Variants in HTT observed in about 807,000 individuals in gnomAD.
The protein encoded by HTT is huntingtin.
In HTT, 104 loss-of-function variants were observed where a neutral mutation model predicts 362.3. The observed-to-expected ratio is 0.29, with a 90% CI of 0.24 to 0.34. The LOEUF (loss-of-function observed/expected upper bound fraction) is 0.34, where lower values mean the gene tolerates loss of function less well. Ranked by LOEUF, HTT falls within the 10% of genes least tolerant of loss-of-function variation. The pLI is 1.00. For missense variants in HTT, 3,301 were observed against 3,928.6 expected (o/e 0.84, Z 4.27); for synonymous variants, 1,577 against 1,548.7 (o/e 1.02, Z -0.43).
At position 3,208,852 on chromosome 4, in the gene HTT, T is replaced by C; in HGVS notation, c.6232T>C (p.Ser2078Pro). The change falls in exon 46 of 67, where the codon TCT becomes CCT. Residue 2078 changes from serine (S) to proline (P), a missense_variant. Transcript: ENST00000355072. ...QDSLSPSPPV[S>P]SHPLDGDGHV... is the part of the protein sequence containing the mutation. ...CTCACTTAGTCCCTCTCCTCCAGTCTCTTCCCACCCGCTGGACGGGGATGG... is the reference window on the plus strand; with the variant it reads ...CTCACTTAGTCCCTCTCCTCCAGTCCCTTCCCACCCGCTGGACGGGGATGG... 6 of 1,614,150 alleles carry C rather than the reference T, an allele frequency of 3.7e-6. No individual in the cohort carries two copies. Among genetic ancestry groups the C allele is most frequent in the Non-Finnish European group, 5.1e-6 (6 of 1,180,010 alleles).
At chr4:3,082,733 T>G (rs1416811607) in intron 1 of HTT, among the ~76,000 whole-genome samples, 2 of 152,202 alleles carry the variant, frequency 1.3e-5, no homozygotes, top group East Asian at 3.8e-4. Flanking sequence ...AGACCTGTGT[T>G]GCTCATATGT....
At chr4:3,127,893 G>A (rs1010172050) in intron 12 of HTT, among the ~76,000 whole-genome samples, 4 of 151,856 alleles carry the variant, frequency 2.6e-5, no homozygotes, top group Non-Finnish European at 4.4e-5. Context: ...GAGCCTGGGA[G>A]GCAGAGGTTG....
rs150583882 is a variant in HTT, at chr4:3,127,619, G to A, written c.1743+15G>A. ...GTTCTGAAATTGTAAGTGGGCAGAG[G>A]GGCCTGACATCTTTTTTTTTATTTT... On this transcript the variant is annotated intron_variant, in intron 12 of 66. Transcript: ENST00000355072. 6.4e-7 allele frequency: 1 copy of A among 1,557,316 alleles called. No homozygotes were observed. The highest frequency in any genetic ancestry group is 1.1e-5 in the South Asian group (1 of 88,056).
chr4:3,074,838 GA>G lies in HTT; in HGVS notation c.17del (p.Lys6SerfsTer2). ...GCGGGAGACCGCCATGGCGACCCTG[GA>G]AAAGCTGATGAAGGCCTTCGAGTCC... The part of the protein sequence containing the change: MATL[E>X]KLMKAFESLK... On this transcript the variant is annotated frameshift_variant, in exon 1 of 67. Coordinates refer to ENST00000355072, the MANE Select transcript of HTT (RefSeq NM_001388492.1). LOFTEE classifies it high-confidence loss of function. 1 of 1,506,234 alleles carries G rather than the reference GA, an allele frequency of 6.6e-7. No homozygotes were observed. The highest frequency in any genetic ancestry group is 8.8e-7 in the Non-Finnish European group (1 of 1,130,310). 93.3% of individuals were successfully genotyped at this position (1,506,234 alleles called of 1,614,324 possible).
At chr4:3,125,374 T>G (rs1403802685) in intron 10 of HTT, among the ~76,000 whole-genome samples, 175 bp from the exon 11 acceptor site, 1 of 152,222 alleles carries the variant, frequency 6.6e-6, no homozygotes, top group Non-Finnish European at 1.5e-5. Context: ...AAACATAACA[T>G]CTCTACATTC....
At chr4:3,196,491 A>G (rs1341218774) in intron 40 of HTT, among the ~76,000 whole-genome samples, 1 of 152,158 alleles carries the variant, frequency 6.6e-6, no homozygotes, top group Non-Finnish European at 1.5e-5. Context: ...AATCCTGTGC[A>G]CTTTGGGAAG....
Position 3,240,131 on chromosome 4 carries a change from T to C in HTT, c.*72T>C. On this transcript the variant is annotated 3_prime_UTR_variant, in exon 67 of 67. Transcript: ENST00000355072. ...TTTGGAAGTCTGCGCCCTTGTGCCC[T>C]GCCTCCACCGAGCCAGCTTGGTCCC... is the stretch of plus-strand genomic sequence containing the variant. The C allele has an allele frequency of 7.5e-7, 1 of 1,327,348 alleles. No individual in the cohort carries two copies. 82.2% of individuals were successfully genotyped at this position (1,327,348 alleles called of 1,614,324 possible).
chr4:3,131,315 G>A lies in HTT; in HGVS notation c.2016G>A (p.Gln672=). ...KPCRIKGDIG[Q]STDDDSAPLV... is the part of the protein sequence containing the mutation. ...GCCGCATCAAAGGTGACATTGGACA[G>A]TCCACTGATGATGACTCTGCACCTC... is the stretch of plus-strand genomic sequence containing the variant. Residue 672 remains glutamine (Q), a synonymous_variant, in exon 15 of 67, where the codon CAG becomes CAA. Coordinates refer to ENST00000355072, the MANE Select transcript of HTT (RefSeq NM_001388492.1). The A allele has an allele frequency of 6.2e-7, 1 of 1,614,040 alleles. No individual in the cohort carries two copies. Among genetic ancestry groups the A allele is most frequent in the Non-Finnish European group, 8.5e-7 (1 of 1,179,952 alleles).
intron 28 of HTT, among the ~76,000 whole-genome samples, chr4:3,158,243 A>G (rs1717256373): frequency 6.6e-6 from 1 of 152,198 alleles, no homozygotes; most frequent in Non-Finnish European, 1.5e-5. Flanking sequence ...TTGGCCTCCC[A>G]AAGTGCTGGG....
intron 29 of HTT, among the ~76,000 whole-genome samples, chr4:3,163,934 G>A (rs1047917442): frequency 6.6e-6 from 1 of 151,380 alleles, no homozygotes; most frequent in African/African-American, 2.4e-5. Context: ...CTTCAGTTCT[G>A]CTCTGATCTT....
At position 3,118,581 on chromosome 4, in the gene HTT, G is replaced by T. The variant is rs1003605128; in HGVS notation, c.1068+2318G>T. On this transcript the variant is annotated intron_variant, in intron 8 of 66. Transcript: ENST00000355072. ...GAGTGTGGGTGCGTAGACAGAGCAA[G>T]GGTGGGTCCTGAAAAGGCCTGCAGG... Among the ~76,000 whole-genome samples, 4 of 152,324 alleles carry T rather than the reference G, an allele frequency of 2.6e-5. No homozygotes were observed. In the South Asian group the frequency reaches 8.3e-4, roughly 32 times the overall value.
At position 3,238,956 on chromosome 4, in the gene HTT, A is replaced by T; in HGVS notation, c.9193A>T (p.Thr3065Ser). 6.2e-7 allele frequency: 1 copy of T among 1,608,452 alleles called. No homozygotes were observed. Among genetic ancestry groups the T allele is most frequent in the Non-Finnish European group, 8.5e-7 (1 of 1,178,956 alleles). ...SLSCFFVSAS[T>S]SPWVAAILPH... Reference sequence around the variant, plus strand: ...CTCCTGCTTCTTTGTCAGCGCGTCCACCAGCCCGTGGGTCGCGGCGATGTA... The same window carrying T: ...CTCCTGCTTCTTTGTCAGCGCGTCCTCCAGCCCGTGGGTCGCGGCGATGTA... The change falls in exon 66 of 67, where the codon ACC (threonine) becomes TCC (serine). Residue 3065 changes from threonine to serine, a missense_variant. By Grantham distance (58) the Thr-to-Ser change is moderately conservative (BLOSUM62 1). Coordinates refer to ENST00000355072, the MANE Select transcript of HTT (RefSeq NM_001388492.1).
At chr4:3,209,130 G>A (rs922990057) in intron 46 of HTT, among the ~76,000 whole-genome samples, 4 of 152,242 alleles carry the variant, frequency 2.6e-5, no homozygotes, top group Non-Finnish European at 4.4e-5. Context: ...TGTGGGGTGA[G>A]TAGTTAGTGG....
Position 3,235,171 on chromosome 4 carries a change from G to C in HTT, c.8457-113G>C. The C allele has an allele frequency of 3.9e-6, 3 of 765,516 alleles. No individual in the cohort carries two copies. In the South Asian group the frequency reaches 4.9e-5, roughly 12 times the overall value. 47.4% of individuals were successfully genotyped at this position (765,516 alleles called of 1,614,324 possible). Reference sequence around the variant, plus strand: ...GGAGCCACTCAGGGTAGGCGCTCCCGGGAGCCCGCCTGGCCCATAGCTCTA... The same window carrying C: ...GGAGCCACTCAGGGTAGGCGCTCCCCGGAGCCCGCCTGGCCCATAGCTCTA... On this transcript the variant is annotated intron_variant, in intron 61 of 66. Coordinates refer to ENST00000355072, the MANE Select transcript of HTT (RefSeq NM_001388492.1).
intron 42 of HTT, 100 bp downstream of exon 42, chr4:3,204,248 C>T (rs1719738509): frequency 3.4e-6 from 4 of 1,163,344 alleles, no homozygotes; most frequent in Admixed American, 2.0e-5. Flanking sequence ...ACCCAGACCG[C>T]CCGGTGTCCT....
At chr4:3,122,054 G>A (rs1715321003) in intron 9 of HTT, among the ~76,000 whole-genome samples, 1 of 152,194 alleles carries the variant, frequency 6.6e-6, no homozygotes, top group Non-Finnish European at 1.5e-5. Flanking sequence ...TGCCAGAAAT[G>A]GCATCTTCAA....
At chr4:3,091,603 G>A (rs1396273321) in intron 2 of HTT, among the ~76,000 whole-genome samples, 3 of 152,128 alleles carry the variant, frequency 2.0e-5, no homozygotes, top group Non-Finnish European at 4.4e-5. Flanking sequence ...AAACACTGTC[G>A]ACCTGTCGGC....
At chr4:3,221,304 G>A (rs1242224895) in intron 53 of HTT, among the ~76,000 whole-genome samples, 2 of 152,150 alleles carry the variant, frequency 1.3e-5, no homozygotes, top group East Asian at 1.9e-4. Flanking sequence ...GCTGCCTCAC[G>A]GAGCTCCTCC....
Position 3,206,388 on chromosome 4 carries a change from T to G in HTT, c.5719-108T>G. 3 of 795,704 alleles carry G rather than the reference T, an allele frequency of 3.8e-6. No individual in the cohort carries two copies. The highest frequency in any genetic ancestry group is 6.3e-6 in the Non-Finnish European group (3 of 478,692). The allele number at this position is 795,704 out of a possible 1,614,324, so 49.3% of individuals were successfully genotyped here. On this transcript the variant is annotated intron_variant, in intron 42 of 66. Transcript: ENST00000355072. This position sits in a 1 kb window ranked among gnomAD's most constrained non-coding sequence, Gnocchi z 4.6. ...CTGTATATTTTTAGTGAGGTTTATATTTGGGATGTGTTTTCTCCTTCTTAC... is the reference window on the plus strand; with the variant it reads ...CTGTATATTTTTAGTGAGGTTTATAGTTGGGATGTGTTTTCTCCTTCTTAC...
Sources: gnomAD v4.1 joint callset for allele counts (sites outside exome capture counted in the v4.1 genomes callset) on GRCh38, gnomAD v4.1.1 for gene constraint, Gnocchi (gnomAD v3.1) non-coding constraint, MANE v1.5 for transcripts, NCBI Gene and HGNC (gene_info 2026-07-23, HGNC 2026-07-21) for gene names.